Variants in P3H2 observed in about 807,000 individuals in gnomAD.
The protein encoded by P3H2 is leprecan-like 1.
A neutral mutation model predicts 87.0 loss-of-function variants in P3H2; 80 were observed. The observed-to-expected ratio is 0.92, with a 90% CI of 0.77 to 1.11. The LOEUF (loss-of-function observed/expected upper bound fraction) is 1.11, where lower values mean the gene tolerates loss of function less well. Among genes scored for constraint, P3H2 ranks in the 50% least tolerant of loss-of-function variants. The probability of loss-of-function intolerance (pLI) is 0.00; values close to 1 mark genes in which losing one functional copy is unlikely to be tolerated. For synonymous variants in P3H2, 367 were observed against 359.3 expected (o/e 1.02, Z -0.24); for missense variants, 1,001 against 923.9 (o/e 1.08, Z -1.08).
chr3:189,958,699 CTTTT>C lies in P3H2; in HGVS notation c.2035-699_2035-696del, dbSNP rs71175319. The stretch of plus-strand genomic sequence containing the variant: ...CCACTAGAGGGCAACATTGCTCCCT[CTTTT>C]TTTTTTTTTTTTTTTTTGAGATGGA... On this transcript the variant is annotated intron_variant, in intron 14 of 14. Transcript: ENST00000319332. Among the ~76,000 whole-genome samples the C allele has an allele frequency of 1.8e-3, 216 of 120,232 alleles. 1 individual carries two copies. Among genetic ancestry groups the C allele is most frequent in the African/African-American group, 6.3e-3 (195 of 30,976 alleles). 78.9% of individuals were successfully genotyped at this position (120,232 alleles called of 152,430 possible). A position where few individuals can be genotyped will look rare whatever the true frequency, so the allele number is the denominator to read the frequency against.
rs535967485 is a variant in P3H2 at position 189,987,408 on chromosome 3, G to A, written c.1098+119C>T. 3.8e-4 allele frequency: 431 copies of A among 1,137,464 alleles called. 1 individual carries two copies. Among genetic ancestry groups the A allele is most frequent in the South Asian group, 1.1e-3 (78 of 69,942 alleles). The allele number at this position is 1,137,464 out of a possible 1,614,324, so 70.5% of individuals were successfully genotyped here. On this transcript the variant is annotated intron_variant, in intron 5 of 14. Coordinates refer to ENST00000319332, the MANE Select transcript of P3H2 (RefSeq NM_018192.4). ...GCAGGAGAATCGCTTGAACCCGGGAGGCGGAGGTTGCGGTGAGCCAAGATT... is the reference window on the plus strand; with the variant it reads ...GCAGGAGAATCGCTTGAACCCGGGAAGCGGAGGTTGCGGTGAGCCAAGATT...
At chr3:189,969,499 A>G in intron 13 of P3H2, 1 of 990,454 alleles carries the variant, frequency 1.0e-6, no homozygotes, top group South Asian at 1.3e-5. Context: ...AGAGGGACTG[A>G]GGTCTCATAC....
chr3:190,061,121 AAAGT>A (rs766972535), intron 1 of P3H2, among the ~76,000 whole-genome samples: 22 of 152,274 alleles, frequency 1.4e-4, no homozygotes, highest in Non-Finnish European at 2.6e-4. Context: ...AGGAATATAC[AAAGT>A]AAGATTGAAC....
At chr3:189,972,600 C>G (rs1723209408) in intron 11 of P3H2, among the ~76,000 whole-genome samples, 2 of 151,944 alleles carry the variant, frequency 1.3e-5, no homozygotes, top group African/African-American at 4.8e-5. Flanking sequence ...GGGAAACCTA[C>G]AGCAGAAAAG....
chr3:190,088,540 T>G lies in P3H2; in HGVS notation c.480+31712A>C, dbSNP rs542250256. Among the ~76,000 whole-genome samples, 7 of 152,306 alleles carry G rather than the reference T, an allele frequency of 4.6e-5. No homozygotes were observed. The South Asian group carries it at 1.5e-3, about 32-fold the overall frequency. Reference sequence around the variant, plus strand: ...CATAATTGGGAAGGGAAGGATAAAATTTGACTCTGTTATCATATTCTGCTC... The same window carrying G: ...CATAATTGGGAAGGGAAGGATAAAAGTTGACTCTGTTATCATATTCTGCTC... On this transcript the variant is annotated intron_variant, in intron 1 of 14. Coordinates refer to ENST00000319332, the MANE Select transcript of P3H2 (RefSeq NM_018192.4).
intron 1 of P3H2, among the ~76,000 whole-genome samples, chr3:189,996,342 G>A (rs998628902): frequency 6.6e-6 from 1 of 152,190 alleles, no homozygotes; most frequent in South Asian, 2.1e-4. Flanking sequence ...ATTATGTTAA[G>A]TGAAATAAGC....
intron 1 of P3H2, among the ~76,000 whole-genome samples, chr3:190,073,926 C>T (rs944371044): frequency 1.2e-4 from 18 of 152,168 alleles, no homozygotes; most frequent in Admixed American, 3.9e-4. Context: ...TAACAAATAA[C>T]GCTTTAGGGG....
chr3:190,092,308 T>TA (rs1015668066), intron 1 of P3H2, among the ~76,000 whole-genome samples: 1 of 151,964 alleles, frequency 6.6e-6, no homozygotes, highest in African/African-American at 2.4e-5. Flanking sequence ...TGAAATAGTA[T>TA]AAAAGGGCCA....
Position 190,093,373 on chromosome 3 carries a change from A to G in P3H2, c.480+26879T>C, listed in dbSNP as rs538252907. 2.6e-4 allele frequency among the ~76,000 whole-genome samples: 40 copies of G among 152,256 alleles called. No homozygotes were observed. The South Asian group carries it at 8.3e-3, about 32-fold the overall frequency. ...TACCCTTCTATACACGTGACTAGCT[A>G]AAGAGGTTGGCCATGAGTTGGGGGT... On this transcript the variant is annotated intron_variant, in intron 1 of 14. Coordinates refer to ENST00000319332, the MANE Select transcript of P3H2 (RefSeq NM_018192.4).
At chr3:190,042,426 TTTTG>T (rs1725665001) in intron 1 of P3H2, among the ~76,000 whole-genome samples, 1 of 81,762 alleles carries the variant, frequency 1.2e-5, no homozygotes, top group African/African-American at 6.3e-5. Flanking sequence ...TCTTGTAAGA[TTTTG>T]TGTGTGTGTG....
chr3:190,041,837 T>A (rs1725646091), intron 1 of P3H2, among the ~76,000 whole-genome samples: 1 of 152,186 alleles, frequency 6.6e-6, no homozygotes, highest in Non-Finnish European at 1.5e-5. Context: ...TTCATGGTCA[T>A]GGGAAGTTCA....
intron 1 of P3H2, among the ~76,000 whole-genome samples, chr3:190,084,297 T>C (rs1000064735): frequency 3.3e-5 from 5 of 152,184 alleles, no homozygotes; most frequent in African/African-American, 9.7e-5. Context: ...ATGACATAAA[T>C]AAATGGTCTC....
Position 189,964,544 on chromosome 3 carries a change from G to A in P3H2, c.1894-446C>T, listed in dbSNP as rs115574856. Reference sequence around the variant, plus strand: ...TGCTGGAAAAGTTGTTATTGATCTAGGTAGTGGTTACATGAGCGTATACGC... The same window carrying A: ...TGCTGGAAAAGTTGTTATTGATCTAAGTAGTGGTTACATGAGCGTATACGC... On this transcript the variant is annotated intron_variant, in intron 13 of 14. Transcript: ENST00000319332. 4.3e-3 allele frequency among the ~76,000 whole-genome samples: 661 copies of A among 152,344 alleles called. 7 individuals carry two copies. The highest frequency in any genetic ancestry group is 0.015 in the African/African-American group (641 of 41,576).
At chr3:189,988,709 T>C (rs989084231) in intron 4 of P3H2, among the ~76,000 whole-genome samples, 198 bp downstream of exon 4, 1 of 152,202 alleles carries the variant, frequency 6.6e-6, no homozygotes, top group African/African-American at 2.4e-5. Context: ...TATCACAGCA[T>C]TAAATTTTGT....
intron 13 of P3H2, chr3:189,969,295 AC>A (rs1339099375): frequency 4.4e-5 from 40 of 914,306 alleles, no homozygotes; most frequent in Non-Finnish European, 6.9e-5. Flanking sequence ...GATAACATCC[AC>A]CCCCCAGGTG....
chr3:189,988,831 C>T, intron 4 of P3H2, 76 bp downstream of exon 4: 1 of 1,559,900 alleles, frequency 6.4e-7, no homozygotes, highest in South Asian at 1.1e-5. Context: ...TCAGAAAACT[C>T]AATTACAAAA....
chr3:190,024,175 T>A (rs1422687001), intron 1 of P3H2, among the ~76,000 whole-genome samples: 1 of 152,112 alleles, frequency 6.6e-6, no homozygotes, highest in Non-Finnish European at 1.5e-5. Flanking sequence ...AGAGTACACA[T>A]GGTGCACATA....
intron 1 of P3H2, among the ~76,000 whole-genome samples, chr3:190,098,584 G>A (rs1711508663): frequency 1.3e-5 from 2 of 152,016 alleles, no homozygotes; most frequent in African/African-American, 2.4e-5. Context: ...TGAAATCCTC[G>A]CAATGCCACT....
rs1723217991 is a variant in P3H2, at chr3:189,972,907, A to G, written c.1666T>C (p.Tyr556His). Residue 556 changes from tyrosine to histidine, a missense_variant, in exon 11 of 15, where the codon TAT becomes CAT. Transcript: ENST00000319332. ...GCTGTTCGGCAGACCATGTGTGTAT[A>G]GGAAAAATACAGAGTTGAGTTCAGC... ...FMLNSTLYFSYTHMVCRTALS... is the reference protein window; with the variant it reads ...FMLNSTLYFSHTHMVCRTALS... 2.5e-6 allele frequency: 4 copies of G among 1,614,162 alleles called. No individual in the cohort carries two copies. The East Asian group carries it at 8.9e-5, about 36-fold the overall frequency.
Sources: allele counts gnomAD v4.1 joint callset (sites outside exome capture counted in the v4.1 genomes callset), GRCh38; gene constraint gnomAD v4.1.1; transcripts MANE v1.5; gene names NCBI Gene and HGNC (gene_info 2026-07-23, HGNC 2026-07-21).